Variants in CSMD1 observed in about 807,000 individuals in gnomAD.
The protein encoded by CSMD1 is CUB and sushi domain-containing protein 1.
A neutral mutation model predicts 417.5 loss-of-function variants in CSMD1; 213 were observed. The observed-to-expected ratio is 0.51, with a 90% CI of 0.46 to 0.57. The LOEUF (loss-of-function observed/expected upper bound fraction) is 0.57, where lower values mean the gene tolerates loss of function less well. CSMD1 is among the 20% of genes least tolerant of loss of function. The probability of loss-of-function intolerance (pLI) is 0.00; values close to 1 mark genes in which losing one functional copy is unlikely to be tolerated. For missense variants in CSMD1, 6,923 were observed against 4,529.7 expected (o/e 1.53, Z -15.17); for synonymous variants, 2,862 against 1,736.8 (o/e 1.65, Z -16.11).
At chr8:4,301,886 T>C (rs1396206536) in intron 3 of CSMD1, among the ~76,000 whole-genome samples, 2 of 152,312 alleles carry the variant, frequency 1.3e-5, no homozygotes, top group African/African-American at 2.4e-5. Context: ...AAATTTGTTG[T>C]TCTCACTTCA....
intron 6 of CSMD1, among the ~76,000 whole-genome samples, chr8:3,733,471 G>T (rs1796372441): frequency 6.6e-6 from 1 of 151,408 alleles, no homozygotes; most frequent in Non-Finnish European, 1.5e-5. Context: ...TCAATGTTTT[G>T]CTTTCAACGG....
intron 37 of CSMD1, among the ~76,000 whole-genome samples, chr8:3,175,023 T>A (rs964828755): frequency 6.6e-6 from 1 of 152,212 alleles, no homozygotes; most frequent in African/African-American, 2.4e-5. Flanking sequence ...GTATAAGTTT[T>A]GAACTCAGTG....
At chr8:3,085,234 G>A (rs1010812163) in intron 49 of CSMD1, among the ~76,000 whole-genome samples, 2 of 152,010 alleles carry the variant, frequency 1.3e-5, no homozygotes, top group East Asian at 3.9e-4. Context: ...TAGTTCAACT[G>A]GATTGTTTTT....
chr8:4,081,193 T>C (rs1258455617), intron 3 of CSMD1, among the ~76,000 whole-genome samples: 6 of 152,182 alleles, frequency 3.9e-5, no homozygotes, highest in Non-Finnish European at 8.8e-5. Context: ...TATTTATAAA[T>C]TATCCAGTCT....
At chr8:4,568,093 A>G (rs1424886481) in intron 2 of CSMD1, among the ~76,000 whole-genome samples, 1 of 152,234 alleles carries the variant, frequency 6.6e-6, no homozygotes, top group Non-Finnish European at 1.5e-5. Context: ...AAGAATAAAA[A>G]TAAAATACTC....
At chr8:4,459,697 C>A (rs568404774) in intron 2 of CSMD1, among the ~76,000 whole-genome samples, 1 of 152,176 alleles carries the variant, frequency 6.6e-6, no homozygotes, top group South Asian at 2.1e-4. Flanking sequence ...GAATATGGAG[C>A]CCAGAGCAAG....
intron 1 of CSMD1, among the ~76,000 whole-genome samples, chr8:4,862,980 G>A (rs1437299574): frequency 6.6e-6 from 1 of 151,964 alleles, no homozygotes; most frequent in African/African-American, 2.4e-5. Context: ...GTGCCCAAGA[G>A]GGAACCAGCA....
intron 3 of CSMD1, among the ~76,000 whole-genome samples, chr8:4,193,211 A>G (rs1485168934): frequency 6.6e-6 from 1 of 152,212 alleles, no homozygotes; most frequent in Non-Finnish European, 1.5e-5. Context: ...GGCTGAAAGC[A>G]AAGTTGTAGC....
At chr8:4,434,545 A>G (rs1172228327) in intron 2 of CSMD1, among the ~76,000 whole-genome samples, 1 of 152,214 alleles carries the variant, frequency 6.6e-6, no homozygotes, top group East Asian at 1.9e-4. Flanking sequence ...GAGCAGCCCA[A>G]CATTGACTAA....
At chr8:4,069,881 G>GTT (rs1408765395) in intron 3 of CSMD1, among the ~76,000 whole-genome samples, 7 of 129,924 alleles carry the variant, frequency 5.4e-5, no homozygotes, top group African/African-American at 1.8e-4. Flanking sequence ...ACAGTAAGGT[G>GTT]TTTTGTTTTG....
intron 1 of CSMD1, among the ~76,000 whole-genome samples, chr8:4,877,961 C>T (rs1212788690): frequency 1.3e-5 from 2 of 152,172 alleles, no homozygotes; most frequent in East Asian, 1.9e-4. Context: ...ACACTATAAT[C>T]CAAACACATA....
At chr8:4,288,104 T>C (rs1797161727) in intron 3 of CSMD1, among the ~76,000 whole-genome samples, 1 of 152,226 alleles carries the variant, frequency 6.6e-6, no homozygotes, top group Admixed American at 6.5e-5. Flanking sequence ...TTTACTTATT[T>C]TGCTAGCCAT....
At chr8:4,094,069 G>A (rs1007218600) in intron 3 of CSMD1, among the ~76,000 whole-genome samples, 11 of 152,158 alleles carry the variant, frequency 7.2e-5, no homozygotes, top group African/African-American at 2.4e-4. Context: ...GTGAAGGACA[G>A]TGTGGAAGTG....
At chr8:3,598,858 G>A (rs1356302304) in intron 8 of CSMD1, among the ~76,000 whole-genome samples, 2 of 152,156 alleles carry the variant, frequency 1.3e-5, no homozygotes, top group African/African-American at 2.4e-5. Flanking sequence ...CGACACAGGT[G>A]GATCACAAGG....
At chr8:3,282,936 C>G (rs374492299) in intron 26 of CSMD1, among the ~76,000 whole-genome samples, 1 of 152,138 alleles carries the variant, frequency 6.6e-6, no homozygotes, top group Non-Finnish European at 1.5e-5. Context: ...TGATGGCTGA[C>G]CTTGTGTGCT....
chr8:4,911,936 G>A (rs1271500828), intron 1 of CSMD1, among the ~76,000 whole-genome samples: 3 of 151,620 alleles, frequency 2.0e-5, no homozygotes, highest in Non-Finnish European at 4.4e-5. Flanking sequence ...ATTTTAGCTT[G>A]TACTATTTTA....
At chr8:3,321,076 T>C (rs1563269886) in intron 23 of CSMD1, among the ~76,000 whole-genome samples, 1 of 152,172 alleles carries the variant, frequency 6.6e-6, no homozygotes, top group Non-Finnish European at 1.5e-5. Flanking sequence ...CTTCCACCTT[T>C]GCCTCCCTTC....
intron 3 of CSMD1, among the ~76,000 whole-genome samples, chr8:4,369,079 A>G (rs974554625): frequency 6.6e-6 from 1 of 152,118 alleles, no homozygotes; most frequent in Non-Finnish European, 1.5e-5. Context: ...TGATATAGAC[A>G]TTAAGTGCTA....
chr8:4,906,772 T>C (rs906971771), intron 1 of CSMD1, among the ~76,000 whole-genome samples: 1 of 152,056 alleles, frequency 6.6e-6, no homozygotes, highest in South Asian at 2.1e-4. Flanking sequence ...GCTGGCCAGG[T>C]TGGTCTCCAA....
Sources: gnomAD v4.1 joint callset for allele counts (sites outside exome capture counted in the v4.1 genomes callset) on GRCh38, gnomAD v4.1.1 for gene constraint, MANE v1.5 for transcripts, NCBI Gene and HGNC (gene_info 2026-07-23, HGNC 2026-07-21) for gene names.